CTNNA1: variants seen among roughly 807,000 people sequenced by gnomAD.
The protein encoded by CTNNA1 is catenin alpha-1.
A neutral mutation model predicts 98.4 loss-of-function variants in CTNNA1; 37 were observed. That is an observed-to-expected ratio of 0.38 (90% CI 0.29 to 0.49). The LOEUF is 0.49. Ranked by LOEUF, CTNNA1 falls within the 20% of genes least tolerant of loss-of-function variation. CTNNA1 has a pLI of 0.95. For synonymous variants in CTNNA1, 404 were observed against 413.2 expected, an observed-to-expected ratio of 0.98 and a Z score of 0.27; for missense variants, 761 against 1,147.2, an observed-to-expected ratio of 0.66 and a Z score of 4.86.
chr5:138,897,872 G>A (rs1274279073), intron 9 of CTNNA1, among the ~76,000 whole-genome samples: 2 of 152,248 alleles, frequency 1.3e-5, no homozygotes, highest in East Asian at 3.9e-4. Context: ...GTTCTCAAGG[G>A]GCATCAGGAT....
intron 9 of CTNNA1, among the ~76,000 whole-genome samples, chr5:138,889,166 C>T (rs979850565): frequency 8.5e-5 from 13 of 152,108 alleles, no homozygotes; most frequent in Admixed American, 4.6e-4. Context: ...AAAGTTCTTC[C>T]GCATGGTAGG....
chr5:138,813,226 T>C (rs1759027577), intron 5 of CTNNA1, among the ~76,000 whole-genome samples: 1 of 152,246 alleles, frequency 6.6e-6, no homozygotes, highest in Admixed American at 6.5e-5. Context: ...TCAGTGTGCC[T>C]GGCACTGGGT....
chr5:138,829,962 A>T (rs6596454), intron 7 of CTNNA1, among the ~76,000 whole-genome samples: 1 of 151,730 alleles, frequency 6.6e-6, no homozygotes. Context: ...GTCAGGAGAT[A>T]GAGACCATCC....
chr5:138,934,120 G>C lies in CTNNA1; in HGVS notation c.*31G>C, dbSNP rs1059230. 6.4e-7 allele frequency: 1 copy of C among 1,565,630 alleles called. No homozygotes were observed. Among genetic ancestry groups the C allele is most frequent in the Non-Finnish European group, 8.7e-7 (1 of 1,147,336 alleles). ...CCCAGGCCGGCCGCCCCCACCCCTC[G>C]GGGCTCCTGAATATCAGTCACTGTT... is the stretch of plus-strand genomic sequence containing the variant. On this transcript the variant is annotated 3_prime_UTR_variant, in exon 18 of 18. Coordinates refer to ENST00000302763, the MANE Select transcript of CTNNA1 (RefSeq NM_001903.5).
chr5:138,881,207 G>A, intron 7 of CTNNA1: 1 of 425,386 alleles, frequency 2.4e-6, no homozygotes, highest in Non-Finnish European at 4.8e-6. Flanking sequence ...TGCAGTGTCT[G>A]TTCTGCTCTT....
intron 9 of CTNNA1, among the ~76,000 whole-genome samples, chr5:138,888,182 CTAAT>C (rs1754512392): frequency 1.3e-5 from 2 of 152,146 alleles, no homozygotes; most frequent in Non-Finnish European, 2.9e-5. Context: ...TGACATGGGG[CTAAT>C]TAGTTACATT....
chr5:138,933,238 C>CA (rs1032814343), intron 17 of CTNNA1, among the ~76,000 whole-genome samples: 2 of 152,282 alleles, frequency 1.3e-5, no homozygotes, highest in African/African-American at 2.4e-5. Context: ...CTTCACTCCT[C>CA]AGAGTGCTTG....
At chr5:138,785,727 A>G (rs1235271773) in intron 3 of CTNNA1, among the ~76,000 whole-genome samples, 1 of 152,004 alleles carries the variant, frequency 6.6e-6, no homozygotes, top group East Asian at 1.9e-4. Context: ...CACCCAGCTA[A>G]TTTTTGTATT....
chr5:138,916,605 C>G (rs907007607), intron 10 of CTNNA1, among the ~76,000 whole-genome samples: 19 of 151,960 alleles, frequency 1.3e-4, no homozygotes, highest in African/African-American at 4.6e-4. Context: ...TCACTGCACC[C>G]TTGACCTCCT....
intron 8 of CTNNA1, among the ~76,000 whole-genome samples, chr5:138,887,197 T>C (rs1398881302): frequency 1.3e-5 from 2 of 152,178 alleles, no homozygotes; most frequent in Non-Finnish European, 2.9e-5. Context: ...TTTTGTATTA[T>C]TTAAGTTGTA....
At chr5:138,795,421 G>A (rs192339207) in intron 3 of CTNNA1, among the ~76,000 whole-genome samples, 34 of 151,940 alleles carry the variant, frequency 2.2e-4, no homozygotes, top group Admixed American at 1.4e-3. Context: ...TTGTGCCACG[G>A]CACTCCAGCC....
intron 3 of CTNNA1, among the ~76,000 whole-genome samples, chr5:138,784,199 C>G (rs1425908766): frequency 6.6e-6 from 1 of 152,168 alleles, no homozygotes; most frequent in Non-Finnish European, 1.5e-5. Context: ...CCACAGTGCC[C>G]GGCCTTGAAA....
At chr5:138,790,526 A>G (rs561073131) in intron 3 of CTNNA1, among the ~76,000 whole-genome samples, 1 of 152,366 alleles carries the variant, frequency 6.6e-6, no homozygotes, top group South Asian at 2.1e-4. Flanking sequence ...ATTGGTAAAC[A>G]TTAGTGCTCC....
chr5:138,854,773 G>T (rs1039299522), intron 7 of CTNNA1, among the ~76,000 whole-genome samples: 1 of 152,122 alleles, frequency 6.6e-6, no homozygotes, highest in Admixed American at 6.5e-5. Flanking sequence ...TCATTAAAAA[G>T]GGTAATGATG....
chr5:138,841,504 C>A (rs533942550), intron 7 of CTNNA1, among the ~76,000 whole-genome samples: 2 of 152,194 alleles, frequency 1.3e-5, no homozygotes, highest in South Asian at 4.2e-4. Context: ...AGGTGATCAA[C>A]CTGCCTTGGC....
intron 7 of CTNNA1, among the ~76,000 whole-genome samples, chr5:138,884,868 C>G (rs1753687533): frequency 6.6e-6 from 1 of 152,082 alleles, no homozygotes; most frequent in African/African-American, 2.4e-5. Context: ...TAGAAATCTT[C>G]CTATTTGAAT....
intron 8 of CTNNA1, among the ~76,000 whole-genome samples, chr5:138,886,568 T>TG (rs1754072255): frequency 6.6e-6 from 1 of 152,184 alleles, no homozygotes; most frequent in Non-Finnish European, 1.5e-5. Flanking sequence ...TAAAATGACT[T>TG]GGAGACCTGT....
intron 3 of CTNNA1, among the ~76,000 whole-genome samples, 195 bp from the exon 4 acceptor site, chr5:138,809,842 CA>C (rs1758490668): frequency 6.6e-6 from 1 of 151,756 alleles, no homozygotes; most frequent in Non-Finnish European, 1.5e-5. Context: ...CTTTCACCAG[CA>C]ATATATGAAG....
At chr5:138,791,847 T>C (rs1443027153) in intron 3 of CTNNA1, among the ~76,000 whole-genome samples, 1 of 151,272 alleles carries the variant, frequency 6.6e-6, no homozygotes, top group African/African-American at 2.4e-5. Context: ...TTCTTGTTTT[T>C]TTAAATTTTT....
Sources: allele counts gnomAD v4.1 joint callset (sites outside exome capture counted in the v4.1 genomes callset), GRCh38; gene constraint gnomAD v4.1.1; transcripts MANE v1.5; gene names NCBI Gene and HGNC (gene_info 2026-07-23, HGNC 2026-07-21).